The following BAIAP2 variants were observed in gnomAD, a reference collection of about 807,000 sequenced individuals.
BAIAP2 encodes the protein BAR/IMD domain containing adaptor protein 2, also known as BAR/IMD domain-containing adapter protein 2.
BAIAP2 carries 18 observed loss-of-function variants against 63.0 expected under a neutral mutation model. The observed-to-expected ratio is 0.29, with a 90% CI of 0.20 to 0.42. BAIAP2 has a LOEUF of 0.42. Ranked by LOEUF, BAIAP2 falls within the 10% of genes least tolerant of loss-of-function variation. The pLI, the probability that BAIAP2 is intolerant of heterozygous loss-of-function variation, is 1.00. For missense variants in BAIAP2, 610 were observed against 734.3 expected (o/e 0.83, Z 1.96); for synonymous variants, 386 against 307.6 (o/e 1.25, Z -2.67).
chr17:81,045,581 T>C (rs1056858621), intron 1 of BAIAP2, among the ~76,000 whole-genome samples: 1 of 152,108 alleles, frequency 6.6e-6, no homozygotes, highest in Non-Finnish European at 1.5e-5. Flanking sequence ...GGAATCACTT[T>C]ATTATGATGT....
rs568060639 is a variant in BAIAP2, at chr17:81,110,303, C to G, written c.1535+1794C>G. On this transcript the variant is annotated intron_variant, in intron 13 of 13. Coordinates refer to ENST00000428708, the MANE Select transcript of BAIAP2 (RefSeq NM_001144888.2). The stretch of plus-strand genomic sequence containing the variant: ...GCGGACCGGGCCCTGTGTAGAGACC[C>G]TTCCGCGCCGGCGTTCCCGCTCCGC... 4.6e-4 allele frequency: 451 copies of G among 986,266 alleles called. 4 individuals carry two copies. Among genetic ancestry groups the G allele is most frequent in the East Asian group, 2.7e-3 (24 of 8,818 alleles). 61.1% of individuals were successfully genotyped at this position (986,266 alleles called of 1,614,324 possible). A position where few individuals can be genotyped will look rare whatever the true frequency, so the allele number is the denominator to read the frequency against.
intron 6 of BAIAP2, among the ~76,000 whole-genome samples, chr17:81,096,381 C>T (rs866968859): frequency 1.3e-5 from 2 of 152,224 alleles, no homozygotes; most frequent in African/African-American, 4.8e-5. Flanking sequence ...CCTGAGGCTG[C>T]CCCACTTAAG....
At chr17:81,062,797 T>C (rs962790728) in intron 3 of BAIAP2, among the ~76,000 whole-genome samples, 13 of 151,986 alleles carry the variant, frequency 8.6e-5, no homozygotes, top group South Asian at 4.2e-4. Context: ...GTTTGGAGTT[T>C]GCAGGTGGAA....
At chr17:81,040,407 G>A (rs1334324191) in intron 1 of BAIAP2, among the ~76,000 whole-genome samples, 1 of 152,204 alleles carries the variant, frequency 6.6e-6, no homozygotes, top group Admixed American at 6.5e-5. Flanking sequence ...CACCTCCCCC[G>A]AGCGCTGATT....
chr17:81,066,200 G>A (rs2051435339), intron 3 of BAIAP2, among the ~76,000 whole-genome samples: 1 of 152,248 alleles, frequency 6.6e-6, no homozygotes, highest in Non-Finnish European at 1.5e-5. Flanking sequence ...CAGCATGCTT[G>A]TTTGTGATCA....
intron 1 of BAIAP2, among the ~76,000 whole-genome samples, chr17:81,038,094 G>GA (rs1301956883): frequency 6.6e-6 from 1 of 152,236 alleles, no homozygotes; most frequent in Non-Finnish European, 1.5e-5. Context: ...GCAAGGCGCG[G>GA]AAGACCCCTT....
chr17:81,060,267 A>T (rs1223620505), intron 3 of BAIAP2, among the ~76,000 whole-genome samples: 1 of 152,142 alleles, frequency 6.6e-6, no homozygotes. Context: ...CCATTGCCCC[A>T]TCTAACTCCA....
In BAIAP2 at chr17:81,046,183, C is replaced by T. The variant is rs569126623; in HGVS notation, c.55-7485C>T. Among the ~76,000 whole-genome samples the T allele has an allele frequency of 2.6e-5, 4 of 152,248 alleles. No homozygotes were observed. The South Asian group carries it at 6.2e-4, about 24-fold the overall frequency. On this transcript the variant is annotated intron_variant, in intron 1 of 13. Transcript: ENST00000428708. The surrounding 1 kb of genome is among the most constrained non-coding windows in gnomAD (Gnocchi z 4.5). ...TTTGTCACCGTCCCCCTTGGGATCC[C>T]GTTCTGCAGGCTCCAGCCCACCTTC...
intron 6 of BAIAP2, among the ~76,000 whole-genome samples, chr17:81,097,274 G>A (rs1004415054): frequency 4.3e-4 from 66 of 152,184 alleles, no homozygotes; most frequent in Non-Finnish European, 1.9e-4. Context: ...GGGGAGCGCC[G>A]GGCTCCGTGT....
At chr17:81,058,961 G>C (rs1332784066) in intron 3 of BAIAP2, among the ~76,000 whole-genome samples, 1 of 152,196 alleles carries the variant, frequency 6.6e-6, no homozygotes, top group Non-Finnish European at 1.5e-5. Context: ...CCAGCTCCCA[G>C]AAGAGGCTCC....
At chr17:81,103,403 C>T in intron 7 of BAIAP2, 99 bp from the exon 8 acceptor site, 1 of 1,159,668 alleles carries the variant, frequency 8.6e-7, no homozygotes, top group Non-Finnish European at 1.2e-6. Flanking sequence ...GAGCAGCCTC[C>T]AGCCCCAGAG....
At chr17:81,041,450 T>TA (rs2047061132) in intron 1 of BAIAP2, among the ~76,000 whole-genome samples, 1 of 152,266 alleles carries the variant, frequency 6.6e-6, no homozygotes, top group Non-Finnish European at 1.5e-5. Flanking sequence ...GGGGAAAGGC[T>TA]GTCAGTTACA....
At chr17:81,093,148 A>C (rs999515403) in intron 6 of BAIAP2, among the ~76,000 whole-genome samples, 1 of 151,300 alleles carries the variant, frequency 6.6e-6, no homozygotes, top group Non-Finnish European at 1.5e-5. Context: ...CGAGGACCTG[A>C]GTGTGAGGAG....
chr17:81,085,568 G>A, intron 4 of BAIAP2, 86 bp from the exon 5 acceptor site: 2 of 1,129,016 alleles, frequency 1.8e-6, no homozygotes, highest in South Asian at 1.2e-5. Flanking sequence ...GGTGTCTCGT[G>A]CCCATCCGCT....
chr17:81,040,317 G>GC (rs1484368980), intron 1 of BAIAP2, among the ~76,000 whole-genome samples: 2 of 152,214 alleles, frequency 1.3e-5, no homozygotes, highest in South Asian at 2.1e-4. Context: ...GCCGTCAGCC[G>GC]CCCCCCACAG....
intron 3 of BAIAP2, among the ~76,000 whole-genome samples, chr17:81,073,422 C>T (rs2053059610): frequency 6.6e-6 from 1 of 152,210 alleles, no homozygotes; most frequent in Non-Finnish European, 1.5e-5. Flanking sequence ...TGGGAGCAGT[C>T]ACCAAGCTGG....
chr17:81,104,368 G>A, intron 9 of BAIAP2, 146 bp from the exon 10 acceptor site: 11 of 935,428 alleles, frequency 1.2e-5, no homozygotes, highest in Non-Finnish European at 1.8e-5. Context: ...TTGGGAGCAG[G>A]TAGCTGCTGC....
At chr17:81,071,666 C>T (rs1251985698) in intron 3 of BAIAP2, among the ~76,000 whole-genome samples, 1 of 152,264 alleles carries the variant, frequency 6.6e-6, no homozygotes, top group East Asian at 1.9e-4. Flanking sequence ...GGTAGCAGCG[C>T]CCGTCCGTCC....
chr17:81,102,326 C>T (rs1016237979), intron 7 of BAIAP2, among the ~76,000 whole-genome samples: 1 of 152,078 alleles, frequency 6.6e-6, no homozygotes, highest in Non-Finnish European at 1.5e-5. Flanking sequence ...GGTCGGTGTC[C>T]CTCGGCCGTC....
Sources: allele counts gnomAD v4.1 joint callset (sites outside exome capture counted in the v4.1 genomes callset), GRCh38; gene constraint gnomAD v4.1.1; non-coding constraint Gnocchi (gnomAD v3.1); transcripts MANE v1.5; gene names NCBI Gene and HGNC (gene_info 2026-07-23, HGNC 2026-07-21).